Variants in ESR1 observed in about 807,000 individuals in gnomAD.
ESR1 encodes estrogen receptor 1.
Under a neutral mutation model 52.7 loss-of-function variants are expected in ESR1, and 12 were observed. That is an observed-to-expected ratio of 0.23 (90% CI 0.15 to 0.37). The LOEUF (loss-of-function observed/expected upper bound fraction) is 0.37. Ranked by LOEUF, ESR1 falls within the 10% of genes least tolerant of loss-of-function variation. The probability of loss-of-function intolerance (pLI) is 1.00; values close to 1 mark genes in which losing one functional copy is unlikely to be tolerated. For missense variants in ESR1, 584 were observed against 779.7 expected, an observed-to-expected ratio of 0.75 and a Z score of 2.99; for synonymous variants, 305 against 316.8, an observed-to-expected ratio of 0.96 and a Z score of 0.39.
At chr6:152,108,018 TTTC>T (rs2152512867), downstream of ESR1, among the ~76,000 whole-genome samples, 1 of 152,282 alleles carries the variant, frequency 6.6e-6, no homozygotes, top group South Asian at 2.1e-4. Context: ...TGCATTCAAT[TTTC>T]AGGCTGTTTT....
chr6:151,757,481 C>A (rs1336013683), intron 2 of ESR1, among the ~76,000 whole-genome samples: 1 of 152,176 alleles, frequency 6.6e-6, no homozygotes, highest in Non-Finnish European at 1.5e-5. Context: ...GAAAGCAAGA[C>A]CCTGAGAGTC....
At chr6:151,714,944 C>A (rs1261732020) in intron 2 of ESR1, among the ~76,000 whole-genome samples, 1 of 152,124 alleles carries the variant, frequency 6.6e-6, no homozygotes, top group African/African-American at 2.4e-5. Flanking sequence ...ATGGTCTTTA[C>A]AATTTGGTAT....
chr6:151,851,535 T>G lies in ESR1; in HGVS notation c.643+8748T>G, dbSNP rs549875045. On this transcript the variant is annotated intron_variant, in intron 2 of 7. Coordinates refer to ENST00000206249, the MANE Select transcript of ESR1 (RefSeq NM_000125.4). ...GGGAGAGGTATGATGAAGGAGTTTT[T>G]TTTTTTTTTTGAGACAGAGTCTCAC... Among the ~76,000 whole-genome samples, 80 of 151,144 alleles carry G rather than the reference T, an allele frequency of 5.3e-4. No homozygotes were observed. The East Asian group carries it at 0.012, about 23-fold the overall frequency.
intron 4 of ESR1, among the ~76,000 whole-genome samples, chr6:151,968,465 C>T (rs7749714): frequency 0.065 from 9,935 of 152,096 alleles, 851 homozygotes; most frequent in African/African-American, 0.2. Flanking sequence ...CAAAAGAAAC[C>T]ATCATCAGGG....
intron 6 of ESR1, among the ~76,000 whole-genome samples, chr6:152,085,843 G>T (rs1316545144): frequency 6.6e-6 from 1 of 152,206 alleles, no homozygotes; most frequent in Non-Finnish European, 1.5e-5. Context: ...ATATCTCCAT[G>T]GGAAGAGTGC....
chr6:152,080,275 T>G (rs1168876620), intron 6 of ESR1, among the ~76,000 whole-genome samples: 2 of 151,000 alleles, frequency 1.3e-5, no homozygotes, highest in Non-Finnish European at 2.9e-5. Context: ...GGGAAGCCCA[T>G]CAGACTAATG....
upstream of ESR1, among the ~76,000 whole-genome samples, chr6:151,690,293 TA>T (rs1353104050): frequency 6.6e-6 from 1 of 152,164 alleles, no homozygotes; most frequent in Admixed American, 6.6e-5. Context: ...CTGGATGGCA[TA>T]AAAAATATTT....
chr6:151,930,616 C>T (rs1360269848), intron 3 of ESR1, among the ~76,000 whole-genome samples: 2 of 152,134 alleles, frequency 1.3e-5, no homozygotes, highest in Non-Finnish European at 2.9e-5. Flanking sequence ...TTAATTCATG[C>T]ATTCTCTGAT....
At chr6:151,985,368 C>T (rs1456357607) in intron 4 of ESR1, among the ~76,000 whole-genome samples, 12 of 151,554 alleles carry the variant, frequency 7.9e-5, no homozygotes, top group Non-Finnish European at 1.2e-4. Flanking sequence ...ATTAGCTGGG[C>T]ATGGTGGCAT....
At chr6:151,790,479 T>C (rs1477274128) in intron 2 of ESR1, among the ~76,000 whole-genome samples, 1 of 152,086 alleles carries the variant, frequency 6.6e-6, no homozygotes, top group Non-Finnish European at 1.5e-5. Flanking sequence ...GTGGAAGGGG[T>C]TCATGGCAAA....
intron 2 of ESR1, among the ~76,000 whole-genome samples, chr6:151,790,638 A>AT (rs1396246508): frequency 6.6e-6 from 1 of 150,870 alleles, no homozygotes; most frequent in Non-Finnish European, 1.5e-5. Context: ...GGAATGTGCC[A>AT]TTTAATATCT....
intron 5 of ESR1, among the ~76,000 whole-genome samples, chr6:152,024,973 G>T (rs1374925140): frequency 8.6e-5 from 13 of 151,322 alleles, no homozygotes; most frequent in Admixed American, 2.0e-4. Context: ...GTGTCTAAAA[G>T]ATTTTTTCTT....
chr6:151,934,729 C>T (rs1008630398), intron 3 of ESR1, among the ~76,000 whole-genome samples: 20 of 152,106 alleles, frequency 1.3e-4, no homozygotes, highest in African/African-American at 4.6e-4. Flanking sequence ...ATAAAAGCAT[C>T]AGTGGGAAAA....
chr6:151,931,037 T>G (rs2033521815), intron 3 of ESR1, among the ~76,000 whole-genome samples: 3 of 152,168 alleles, frequency 2.0e-5, no homozygotes, highest in African/African-American at 7.2e-5. Flanking sequence ...AGGAGTGGCA[T>G]GTATTTATCT....
chr6:151,867,522 A>G (rs1583810794), intron 2 of ESR1, among the ~76,000 whole-genome samples: 4 of 152,240 alleles, frequency 2.6e-5, no homozygotes, highest in African/African-American at 9.6e-5. Flanking sequence ...CAACAACATA[A>G]ATATGCTGCC....
chr6:151,752,316 T>C (rs1783958647), intron 2 of ESR1, among the ~76,000 whole-genome samples: 1 of 152,184 alleles, frequency 6.6e-6, no homozygotes, highest in African/African-American at 2.4e-5. Flanking sequence ...AATGGCAAAA[T>C]GGACGCACTC....
chr6:151,850,811 C>G lies in ESR1; in HGVS notation c.643+8024C>G, dbSNP rs1786546921. On this transcript the variant is annotated intron_variant, in intron 2 of 7. Coordinates refer to ENST00000206249, the MANE Select transcript of ESR1 (RefSeq NM_000125.4). ...GAGCTGTTGCATAGCTCTATTGAGT[C>G]TATCTCCTTAAATGCATTTTCATCC... 3.9e-5 allele frequency among the ~76,000 whole-genome samples: 6 copies of G among 152,174 alleles called. No homozygotes were observed. In the South Asian group the frequency reaches 1.2e-3, roughly 32 times the overall value.
At chr6:151,897,780 C>G (rs1339905857) in intron 3 of ESR1, among the ~76,000 whole-genome samples, 1 of 152,112 alleles carries the variant, frequency 6.6e-6, no homozygotes. Context: ...TTTTATACCT[C>G]CAATGAGATT....
chr6:152,062,343 C>T (rs1164994828), intron 6 of ESR1, among the ~76,000 whole-genome samples: 1 of 152,122 alleles, frequency 6.6e-6, no homozygotes, highest in Non-Finnish European at 1.5e-5. Context: ...GACAATTTTC[C>T]ACTTCTCTTC....
Sources: allele counts gnomAD v4.1 joint callset (sites outside exome capture counted in the v4.1 genomes callset), GRCh38; gene constraint gnomAD v4.1.1; transcripts MANE v1.5; gene names NCBI Gene and HGNC (gene_info 2026-07-23, HGNC 2026-07-21).